The following LRP1B variants were observed in gnomAD, a reference collection of about 807,000 sequenced individuals.
LRP1B encodes low-density lipoprotein receptor-related protein 1B.
A neutral mutation model predicts 556.6 loss-of-function variants in LRP1B; 217 were observed. The observed-to-expected ratio is 0.39, with a 90% CI of 0.35 to 0.44. The LOEUF (loss-of-function observed/expected upper bound fraction) is 0.44, where lower values mean the gene tolerates loss of function less well. Among genes scored for constraint, LRP1B ranks in the 20% least tolerant of loss-of-function variants. LRP1B has a pLI of 1.00. For missense variants in LRP1B, 5,053 were observed against 5,620.8 expected, an observed-to-expected ratio of 0.90 and a Z score of 3.23; for synonymous variants, 2,047 against 1,865.8, an observed-to-expected ratio of 1.10 and a Z score of -2.50.
At chr2:142,062,106 C>T (rs559303455) in intron 1 of LRP1B, among the ~76,000 whole-genome samples, 271 of 152,034 alleles carry the variant, frequency 1.8e-3, no homozygotes, top group African/African-American at 6.0e-3. Context: ...TAACTAGCTC[C>T]TTTATACACC....
chr2:140,994,148 A>C lies in LRP1B; in HGVS notation c.2504-13T>G. 6.2e-7 allele frequency: 1 copy of C among 1,610,372 alleles called. No homozygotes were observed. Among genetic ancestry groups the C allele is most frequent in the Non-Finnish European group, 8.5e-7 (1 of 1,177,560 alleles). ...TCTCCAGGATTAACTAGAGTTAAAA[A>C]AACCCAAGGTATATGAATAATGCTA... On this transcript the variant is annotated splice_polypyrimidine_tract_variant and intron_variant, in intron 15 of 90. Coordinates refer to ENST00000389484, the MANE Select transcript of LRP1B (RefSeq NM_018557.3).
intron 1 of LRP1B, among the ~76,000 whole-genome samples, chr2:141,858,748 T>C (rs570190001): frequency 6.6e-6 from 1 of 152,334 alleles, no homozygotes; most frequent in East Asian, 1.9e-4. Context: ...CTGTGTGCTT[T>C]GCATGCTGCT....
chr2:140,743,977 AAAAAAAAAAAAAAAGT>A (rs1442610349), intron 35 of LRP1B, among the ~76,000 whole-genome samples: 15 of 42,374 alleles, frequency 3.5e-4, no homozygotes, highest in East Asian at 1.2e-3. Flanking sequence ...AAAAAAAAAA[AAAAAAAAAAAAAAAGT>A]AAAAAGTAAA....
At chr2:142,118,979 G>A (rs1354621746) in intron 1 of LRP1B, among the ~76,000 whole-genome samples, 2 of 152,104 alleles carry the variant, frequency 1.3e-5, no homozygotes, top group Admixed American at 1.3e-4. Context: ...TTGACAACAT[G>A]AATGAAAAGT....
At chr2:141,901,942 A>G (rs1699630195) in intron 1 of LRP1B, among the ~76,000 whole-genome samples, 1 of 104,526 alleles carries the variant, frequency 9.6e-6, no homozygotes, top group Admixed American at 1.1e-4. Context: ...AATGTTTTAA[A>G]GAAAGAGTGA....
At chr2:140,461,770 G>A (rs1424584834) in intron 60 of LRP1B, among the ~76,000 whole-genome samples, 1 of 152,080 alleles carries the variant, frequency 6.6e-6, no homozygotes, top group East Asian at 1.9e-4. Context: ...GGAGGCAGAG[G>A]TTGCAGTGAG....
At chr2:140,341,346 A>C (rs1016144706) in intron 77 of LRP1B, among the ~76,000 whole-genome samples, 3 of 151,634 alleles carry the variant, frequency 2.0e-5, no homozygotes, top group African/African-American at 7.2e-5. Context: ...ACCTAGAAAA[A>C]TAAAGGGGTC....
At chr2:140,988,465 C>T (rs34307005) in intron 17 of LRP1B, among the ~76,000 whole-genome samples, 19,915 of 152,014 alleles carry the variant, frequency 0.13, 1,322 homozygotes, top group South Asian at 0.2. Flanking sequence ...TAGACTAGGA[C>T]TCTGGAATGA....
At chr2:140,754,719 C>T (rs1688686097) in intron 35 of LRP1B, among the ~76,000 whole-genome samples, 1 of 150,244 alleles carries the variant, frequency 6.7e-6, no homozygotes, top group Non-Finnish European at 1.5e-5. Flanking sequence ...CTACATTATA[C>T]AAGAAGAAAG....
chr2:140,566,676 G>C (rs957482007), intron 43 of LRP1B, among the ~76,000 whole-genome samples: 2 of 152,078 alleles, frequency 1.3e-5, no homozygotes, highest in African/African-American at 4.8e-5. Flanking sequence ...TGCCCACTAC[G>C]CTAAAGCTGA....
intron 1 of LRP1B, among the ~76,000 whole-genome samples, chr2:141,982,499 C>G (rs1169830371): frequency 6.6e-6 from 1 of 152,060 alleles, no homozygotes. Flanking sequence ...ATACCACTGC[C>G]CACTGTGAAA....
chr2:141,200,742 T>G (rs375757988), intron 6 of LRP1B, among the ~76,000 whole-genome samples: 17 of 152,294 alleles, frequency 1.1e-4, no homozygotes, highest in Admixed American at 6.5e-4. Flanking sequence ...ATCAGTGCAC[T>G]GTCTCCCCAC....
At chr2:141,974,375 A>C (rs948876611) in intron 1 of LRP1B, among the ~76,000 whole-genome samples, 1 of 152,008 alleles carries the variant, frequency 6.6e-6, no homozygotes, top group African/African-American at 2.4e-5. Flanking sequence ...TCAGAGATCA[A>C]GGAACTGGTT....
intron 67 of LRP1B, among the ~76,000 whole-genome samples, chr2:140,384,472 ACT>A (rs1683673361): frequency 6.6e-6 from 1 of 152,058 alleles, no homozygotes. Context: ...AACTCTATTG[ACT>A]CTCTGCAATG....
chr2:141,414,703 C>T (rs185764926), intron 3 of LRP1B, among the ~76,000 whole-genome samples: 27 of 152,332 alleles, frequency 1.8e-4, no homozygotes, highest in African/African-American at 6.0e-4. Context: ...ATGTCAGTAA[C>T]TACTTTGCTT....
chr2:140,252,822 A>G (rs1339375464), intron 86 of LRP1B, among the ~76,000 whole-genome samples: 2 of 152,068 alleles, frequency 1.3e-5, no homozygotes, highest in Non-Finnish European at 2.9e-5. Context: ...GTGTTCCAAA[A>G]TACTGTAGAT....
chr2:140,994,200 A>G (rs1697175983), intron 15 of LRP1B, 65 bp from the exon 16 acceptor site: 1 of 1,441,084 alleles, frequency 6.9e-7, no homozygotes, highest in Admixed American at 1.9e-5. Flanking sequence ...TAAAATTTAA[A>G]TCTTGTAGAG....
intron 2 of LRP1B, among the ~76,000 whole-genome samples, chr2:141,547,108 G>A (rs552558826): frequency 1.3e-5 from 2 of 152,220 alleles, no homozygotes; most frequent in African/African-American, 2.4e-5. Context: ...AACAAACAGC[G>A]TAAACCAAAC....
chr2:140,713,014 G>A (rs1310070865), intron 37 of LRP1B, among the ~76,000 whole-genome samples: 1 of 151,596 alleles, frequency 6.6e-6, no homozygotes, highest in Non-Finnish European at 1.5e-5. Context: ...TTTGTTATTA[G>A]ACTTCTTTTT....
Sources: allele counts gnomAD v4.1 joint callset (sites outside exome capture counted in the v4.1 genomes callset), GRCh38; gene constraint gnomAD v4.1.1; transcripts MANE v1.5; gene names NCBI Gene and HGNC (gene_info 2026-07-23, HGNC 2026-07-21).